The following ANKRD50 variants were observed in gnomAD, a reference collection of about 807,000 sequenced individuals.
The protein encoded by ANKRD50 is ankyrin repeat domain 50.
A neutral mutation model predicts 112.0 loss-of-function variants in ANKRD50; 40 were observed. That is an observed-to-expected ratio of 0.36 (90% CI 0.28 to 0.46). ANKRD50 has a LOEUF of 0.46. ANKRD50 is among the 20% of genes least tolerant of loss of function. The pLI is 1.00. For synonymous variants in ANKRD50, 613 were observed against 619.1 expected, an observed-to-expected ratio of 0.99 and a Z score of 0.15; for missense variants, 1,487 against 1,701.7, an observed-to-expected ratio of 0.87 and a Z score of 2.22.
rs1268611459 is a variant in ANKRD50 at position 124,711,216 on chromosome 4, C to A, written c.-705G>T. On this transcript the variant is annotated 5_prime_UTR_variant, in exon 2 of 5. Coordinates refer to ENST00000504087, the MANE Select transcript of ANKRD50 (RefSeq NM_020337.3). ...TTCAAGACAGCAGATTCTTAATGAACCTGTTCACAGGTTTCTTGGTTTTAA... is the reference window on the plus strand; with the variant it reads ...TTCAAGACAGCAGATTCTTAATGAAACTGTTCACAGGTTTCTTGGTTTTAA... The A allele has an allele frequency of 6.5e-6, 1 of 154,054 alleles. No individual in the cohort carries two copies. The highest frequency in any genetic ancestry group is 1.4e-5 in the Non-Finnish European group (1 of 69,370). The allele number at this position is 154,054 out of a possible 1,614,324, so 9.5% of individuals were successfully genotyped here.
rs1467808888 is a variant in ANKRD50 at position 124,665,393 on chromosome 4, C to T, written c.*2125G>A. ...TCCCTTATGCAATGTCATATCTTCGCCCTTTGGACACAAGGTGCAATTTTG... is the reference window on the plus strand; with the variant it reads ...TCCCTTATGCAATGTCATATCTTCGTCCTTTGGACACAAGGTGCAATTTTG... On this transcript the variant is annotated 3_prime_UTR_variant, in exon 5 of 5. Transcript: ENST00000504087. 1 of 152,188 alleles carries T rather than the reference C, an allele frequency of 6.6e-6. No homozygotes were observed. Among genetic ancestry groups the T allele is most frequent in the Non-Finnish European group, 1.5e-5 (1 of 67,834 alleles). 9.4% of individuals were successfully genotyped at this position (152,188 alleles called of 1,614,324 possible). A position where few individuals can be genotyped will look rare whatever the true frequency, so the allele number is the denominator to read the frequency against.
At chr4:124,683,712 G>A (rs1247336627) in intron 2 of ANKRD50, among the ~76,000 whole-genome samples, 1 of 148,050 alleles carries the variant, frequency 6.8e-6, no homozygotes, top group Non-Finnish European at 1.5e-5. Flanking sequence ...AATTGAGATA[G>A]TGCCACTCCA....
chr4:124,670,368 G>C lies in ANKRD50; in HGVS notation c.2909C>G (p.Ala970Gly). Reference sequence around the variant, plus strand: ...TTCAGCATCACTTGCTTCTACGTTTGCACCATTTTCTAAAAAATATTCGGC... The same window carrying C: ...TTCAGCATCACTTGCTTCTACGTTTCCACCATTTTCTAAAAAATATTCGGC... Reference protein sequence around the residue: ...TMAEYFLENGANVEASDAEGR... With the variant: ...TMAEYFLENGGNVEASDAEGR... Residue 970 changes from alanine to glycine, a missense_variant, in exon 4 of 5, where the codon GCA (alanine) becomes GGA (glycine). Coordinates refer to ENST00000504087, the MANE Select transcript of ANKRD50 (RefSeq NM_020337.3). 6.2e-7 allele frequency: 1 copy of C among 1,613,842 alleles called. No homozygotes were observed. Among genetic ancestry groups the C allele is most frequent in the Non-Finnish European group, 8.5e-7 (1 of 1,179,872 alleles).
At chr4:124,673,632 C>T (rs1282758795) in intron 3 of ANKRD50, among the ~76,000 whole-genome samples, 3 of 151,942 alleles carry the variant, frequency 2.0e-5, no homozygotes, top group East Asian at 1.9e-4. Context: ...GAGAGAAGGA[C>T]GAGTCAAAGC....
At position 124,665,276 on chromosome 4, in the gene ANKRD50, A is replaced by G. The variant is rs1402823908; in HGVS notation, c.*2242T>C. The G allele has an allele frequency of 6.6e-6, 1 of 152,310 alleles. No individual in the cohort carries two copies. The highest frequency in any genetic ancestry group is 1.9e-4 in the East Asian group (1 of 5,184). 9.4% of individuals were successfully genotyped at this position (152,310 alleles called of 1,614,324 possible). A position where few individuals can be genotyped will look rare whatever the true frequency, so the allele number is the denominator to read the frequency against. On this transcript the variant is annotated 3_prime_UTR_variant, in exon 5 of 5. Transcript: ENST00000504087. ...TCCCGAGGAATACTTACTTTTGAAA[A>G]TCGTATTTTTCCAATAGGTTCTCTT...
At chr4:124,706,564 C>G (rs1429457563) in intron 2 of ANKRD50, among the ~76,000 whole-genome samples, 3 of 152,006 alleles carry the variant, frequency 2.0e-5, no homozygotes, top group Non-Finnish European at 2.9e-5. Flanking sequence ...TAAAAAGCAT[C>G]AAGTAAATCA....
intron 2 of ANKRD50, among the ~76,000 whole-genome samples, chr4:124,699,351 T>C (rs961001183): frequency 4.6e-5 from 7 of 152,136 alleles, no homozygotes; most frequent in Admixed American, 3.3e-4. Flanking sequence ...AAACAATCTA[T>C]TATTTCCCCA....
chr4:124,683,722 A>G (rs1306303808), intron 2 of ANKRD50, among the ~76,000 whole-genome samples: 1 of 145,474 alleles, frequency 6.9e-6, no homozygotes, highest in African/African-American at 2.5e-5. Context: ...GTGCCACTCC[A>G]CTCCAGGCTG....
At chr4:124,684,620 A>G (rs1379769066) in intron 2 of ANKRD50, among the ~76,000 whole-genome samples, 3 of 152,152 alleles carry the variant, frequency 2.0e-5, no homozygotes, top group Non-Finnish European at 4.4e-5. Flanking sequence ...ATTCATCAGC[A>G]TATGCACTTA....
At chr4:124,676,840 C>G (rs1017942546) in intron 3 of ANKRD50, among the ~76,000 whole-genome samples, 1 of 151,386 alleles carries the variant, frequency 6.6e-6, no homozygotes, top group African/African-American at 2.4e-5. Context: ...ATAACTTTGA[C>G]TTCCCAATAA....
At chr4:124,679,856 G>T (rs1420427295) in intron 2 of ANKRD50, among the ~76,000 whole-genome samples, 4 of 152,040 alleles carry the variant, frequency 2.6e-5, no homozygotes, top group African/African-American at 7.3e-5. Flanking sequence ...TCTTTTACCT[G>T]GGCTACCCTA....
chr4:124,675,134 TGAATA>T (rs1392022860), intron 3 of ANKRD50, among the ~76,000 whole-genome samples: 1 of 151,952 alleles, frequency 6.6e-6, no homozygotes, highest in Non-Finnish European at 1.5e-5. Context: ...TATTCTTACT[TGAATA>T]GAAGTATTTT....
chr4:124,703,996 A>C (rs1209628698), intron 2 of ANKRD50, among the ~76,000 whole-genome samples: 2 of 152,198 alleles, frequency 1.3e-5, no homozygotes, highest in Admixed American at 1.3e-4. Flanking sequence ...GGAACAGACA[A>C]GCTAGGGTAA....
chr4:124,695,416 G>C (rs1249286014), intron 2 of ANKRD50, among the ~76,000 whole-genome samples: 1 of 152,134 alleles, frequency 6.6e-6, no homozygotes, highest in Non-Finnish European at 1.5e-5. Context: ...AACCGGCAAA[G>C]CTTTCAAGGG....
Position 124,672,336 on chromosome 4 carries a change from A to C in ANKRD50, c.941T>G (p.Val314Gly). 6.2e-7 allele frequency: 1 copy of C among 1,613,418 alleles called. No individual in the cohort carries two copies. The highest frequency in any genetic ancestry group is 8.5e-7 in the Non-Finnish European group (1 of 1,179,762). Residue 314 changes from valine (V) to glycine (G), a missense_variant, in exon 4 of 5, where the codon GTA becomes GGA. Around this residue, in one of 2 missense-constraint regions of ANKRD50, gnomAD observed 1,046 missense variants for 1,269.5 expected, o/e 0.82. Coordinates refer to ENST00000504087, the MANE Select transcript of ANKRD50 (RefSeq NM_020337.3). ...TTCTCTTAACATAATAAAATTTTCTACAACTCCATCTAAAACTCGTTCTAG... is the reference window on the plus strand; with the variant it reads ...TTCTCTTAACATAATAAAATTTTCTCCAACTCCATCTAAAACTCGTTCTAG... ...LYLERVLDGVVENFIMLREIR... is the reference protein window; with the variant it reads ...LYLERVLDGVGENFIMLREIR...
At chr4:124,699,014 T>C (rs557077398) in intron 2 of ANKRD50, among the ~76,000 whole-genome samples, 1 of 152,300 alleles carries the variant, frequency 6.6e-6, no homozygotes, top group African/African-American at 2.4e-5. Flanking sequence ...TGAAAACTGT[T>C]GCTATAGAAT....
intron 2 of ANKRD50, among the ~76,000 whole-genome samples, chr4:124,707,926 T>C (rs912582404): frequency 6.6e-6 from 1 of 152,138 alleles, no homozygotes; most frequent in Non-Finnish European, 1.5e-5. Flanking sequence ...TCAGAATATA[T>C]CAAAAATACA....
At chr4:124,692,213 A>T (rs1408577233) in intron 2 of ANKRD50, among the ~76,000 whole-genome samples, 1 of 152,202 alleles carries the variant, frequency 6.6e-6, no homozygotes, top group East Asian at 1.9e-4. Context: ...TTCTGATCCC[A>T]TATATTTTGG....
intron 4 of ANKRD50, among the ~76,000 whole-genome samples, chr4:124,667,728 C>T (rs1049327785): frequency 4.6e-5 from 7 of 151,778 alleles, no homozygotes; most frequent in African/African-American, 7.3e-5. Context: ...ATTTTTAATA[C>T]GTATTTATAT....
Sources: allele counts gnomAD v4.1 joint callset (sites outside exome capture counted in the v4.1 genomes callset), GRCh38; gene constraint gnomAD v4.1.1; regional missense constraint gnomAD v4.1.1; transcripts MANE v1.5; gene names NCBI Gene and HGNC (gene_info 2026-07-23, HGNC 2026-07-21).